Variants in FRMD6 observed in about 807,000 individuals in gnomAD.
The protein encoded by FRMD6 is FERM domain containing 6.
Under a neutral mutation model 73.2 loss-of-function variants are expected in FRMD6, and 37 were observed. The observed-to-expected ratio is 0.51, with a 90% CI of 0.39 to 0.66. The LOEUF (loss-of-function observed/expected upper bound fraction) is 0.66. FRMD6 is among the 30% of genes least tolerant of loss of function. The pLI is 0.00. For missense variants in FRMD6, 714 were observed against 780.5 expected (o/e 0.91, Z 1.02); for synonymous variants, 273 against 282.2 (o/e 0.97, Z 0.33).
intron 2 of FRMD6, among the ~76,000 whole-genome samples, chr14:51,581,911 A>G (rs1231429774): frequency 1.3e-5 from 2 of 152,232 alleles, no homozygotes; most frequent in African/African-American, 4.8e-5. Flanking sequence ...AAATCCTCAT[A>G]AGGGAACCAC....
chr14:51,425,472 G>T, the FRMD6 span, among the ~76,000 whole-genome samples: 4 of 152,144 alleles, frequency 2.6e-5, no homozygotes, highest in African/African-American at 9.7e-5. Flanking sequence ...TTCTGAGCTT[G>T]TCAGCAACTG....
the FRMD6 span, among the ~76,000 whole-genome samples, chr14:51,420,533 C>T: frequency 0.8 from 121,966 of 152,028 alleles, 49,305 homozygotes; most frequent in East Asian, 0.9. Context: ...TGGCCCTCCA[C>T]ATCTGTGAGT....
chr14:51,520,268 C>T (rs978425285), intron 1 of FRMD6, among the ~76,000 whole-genome samples: 1 of 152,166 alleles, frequency 6.6e-6, no homozygotes, highest in African/African-American at 2.4e-5. Context: ...TTATATACCA[C>T]AATGAAATAT....
At chr14:51,540,622 A>C (rs1192023783) in intron 1 of FRMD6, among the ~76,000 whole-genome samples, 2 of 152,230 alleles carry the variant, frequency 1.3e-5, no homozygotes, top group African/African-American at 4.8e-5. Flanking sequence ...CCTGTGAAGT[A>C]AGCTCACTTC....
intron 10 of FRMD6, among the ~76,000 whole-genome samples, chr14:51,716,522 C>T (rs1409243633): frequency 6.6e-6 from 1 of 152,032 alleles, no homozygotes; most frequent in Non-Finnish European, 1.5e-5. Flanking sequence ...AGGCAAATAC[C>T]CATCCTTTCT....
At chr14:51,720,031 T>A in intron 10 of FRMD6, 24 bp from the exon 11 acceptor site, 1 of 1,578,110 alleles carries the variant, frequency 6.3e-7, no homozygotes, top group Non-Finnish European at 8.6e-7. Flanking sequence ...TCTTGGTTAA[T>A]GAACTGTGTT....
chr14:51,467,171 T>G, the FRMD6 span, among the ~76,000 whole-genome samples: 1 of 152,158 alleles, frequency 6.6e-6, no homozygotes, highest in South Asian at 2.1e-4. Context: ...CGATGACTCT[T>G]AAGGAGCATG....
chr14:51,630,276 A>T (rs995293876), intron 2 of FRMD6, among the ~76,000 whole-genome samples: 1 of 152,170 alleles, frequency 6.6e-6, no homozygotes, highest in Non-Finnish European at 1.5e-5. Context: ...CATAAAACTC[A>T]TAATCCCTGA....
Position 51,727,988 on chromosome 14 carries a change from C to G in FRMD6, c.1828C>G (p.Leu610Val). 6.2e-7 allele frequency: 1 copy of G among 1,612,602 alleles called. No individual in the cohort carries two copies. Among genetic ancestry groups the G allele is most frequent in the Non-Finnish European group, 8.5e-7 (1 of 1,178,666 alleles). ...CAAAAGAACCAGCAAATACTTTTCT[C>G]TGGATCTCACTCATGATGAAGTTCC... ...PVKRTSKYFS[L>V]DLTHDEVPEF... The change falls in exon 14 of 14, where the codon CTG becomes GTG. Residue 610 changes from leucine (L) to valine (V), a missense_variant. Transcript: ENST00000344768.
At chr14:51,685,039 A>AT (rs1895059255) in intron 1 of FRMD6, among the ~76,000 whole-genome samples, 1 of 152,184 alleles carries the variant, frequency 6.6e-6, no homozygotes, top group African/African-American at 2.4e-5. Flanking sequence ...GGGGAAATAG[A>AT]TCCCACCTCT....
intron 2 of FRMD6, among the ~76,000 whole-genome samples, chr14:51,609,433 T>C (rs934115999): frequency 6.6e-5 from 10 of 152,128 alleles, no homozygotes; most frequent in African/African-American, 2.4e-4. Context: ...GACATCGGTG[T>C]ATGGATTGCT....
upstream of FRMD6, among the ~76,000 whole-genome samples, chr14:51,487,266 A>C (rs1882786427): frequency 6.6e-6 from 1 of 152,252 alleles, no homozygotes; most frequent in Non-Finnish European, 1.5e-5. Flanking sequence ...GCTTGTTATA[A>C]AGAATTTTGA....
chr14:51,399,936 T>G, the FRMD6 span, among the ~76,000 whole-genome samples: 1 of 149,744 alleles, frequency 6.7e-6, no homozygotes, highest in South Asian at 2.1e-4. Flanking sequence ...AGAATGTTGT[T>G]TTTTTTTTTA....
chr14:51,400,455 C>A, the FRMD6 span, among the ~76,000 whole-genome samples: 4 of 152,130 alleles, frequency 2.6e-5, no homozygotes, highest in African/African-American at 9.7e-5. Context: ...TGCATCATTA[C>A]TATTTTCTCC....
At chr14:51,601,194 C>T (rs1246061724) in intron 2 of FRMD6, among the ~76,000 whole-genome samples, 1 of 152,110 alleles carries the variant, frequency 6.6e-6, no homozygotes, top group African/African-American at 2.4e-5. Flanking sequence ...AGCCTCTGGT[C>T]AGGGTTGGAT....
intron 1 of FRMD6, among the ~76,000 whole-genome samples, chr14:51,667,469 G>A (rs780368995): frequency 2.6e-4 from 39 of 152,164 alleles, no homozygotes; most frequent in African/African-American, 5.5e-4. Context: ...ATGTTTTATC[G>A]CAACAATCAG....
chr14:51,438,599 G>A, the FRMD6 span, among the ~76,000 whole-genome samples: 3 of 152,170 alleles, frequency 2.0e-5, no homozygotes, highest in Non-Finnish European at 4.4e-5. Flanking sequence ...ATTTAGTAAT[G>A]GGATTTGAAT....
chr14:51,680,290 C>G (rs1481113012), intron 1 of FRMD6, among the ~76,000 whole-genome samples: 2 of 152,190 alleles, frequency 1.3e-5, no homozygotes, highest in Non-Finnish European at 2.9e-5. Flanking sequence ...TTTCTTCTCC[C>G]CATACATGCT....
chr14:51,550,023 T>A (rs1182442912), intron 1 of FRMD6, among the ~76,000 whole-genome samples: 1 of 152,208 alleles, frequency 6.6e-6, no homozygotes, highest in African/African-American at 2.4e-5. Context: ...GTGCCTGTCC[T>A]TTGGTGCCAC....
Sources: allele counts gnomAD v4.1 joint callset (sites outside exome capture counted in the v4.1 genomes callset), GRCh38; gene constraint gnomAD v4.1.1; transcripts MANE v1.5; gene names NCBI Gene and HGNC (gene_info 2026-07-23, HGNC 2026-07-21).